Variants in CELF2 observed in about 807,000 individuals in gnomAD.
CELF2 encodes the protein CUG triplet repeat RNA-binding protein 2.
Under a neutral mutation model 62.6 loss-of-function variants are expected in CELF2, and 8 were observed. That is an observed-to-expected ratio of 0.13 (90% CI 0.07 to 0.23). CELF2 has a LOEUF of 0.23. CELF2 is among the 10% of genes least tolerant of loss of function. The pLI is 1.00. For missense variants in CELF2, 333 were observed against 671.0 expected (o/e 0.50, Z 5.56); for synonymous variants, 258 against 250.0 (o/e 1.03, Z -0.30).
At chr10:10,690,657 A>T in the CELF2 span, among the ~76,000 whole-genome samples, 1 of 152,172 alleles carries the variant, frequency 6.6e-6, no homozygotes, top group Non-Finnish European at 1.5e-5. Flanking sequence ...AGGTGGGCAG[A>T]TCACTTGAGG....
intron 2 of CELF2, among the ~76,000 whole-genome samples, chr10:11,182,756 T>G (rs1379836276): frequency 6.6e-6 from 1 of 152,218 alleles, no homozygotes; most frequent in Admixed American, 6.5e-5. Context: ...CATTATCTGC[T>G]CTTTGGTTGG....
At chr10:10,866,901 CAA>C (rs764914673) in intron 1 of CELF2, among the ~76,000 whole-genome samples, 31 of 108,774 alleles carry the variant, frequency 2.8e-4, no homozygotes, top group African/African-American at 1.0e-3. Context: ...GCCTGGGTGA[CAA>C]GAGTGAAACT....
At chr10:10,527,350 C>T in the CELF2 span, among the ~76,000 whole-genome samples, 1 of 150,372 alleles carries the variant, frequency 6.7e-6, no homozygotes, top group Non-Finnish European at 1.5e-5. Context: ...GAGGCTGAGG[C>T]AGGAGAATCA....
chr10:11,264,087 C>T (rs140561206), intron 5 of CELF2, among the ~76,000 whole-genome samples: 74 of 152,310 alleles, frequency 4.9e-4, no homozygotes, highest in East Asian at 1.7e-3. Context: ...TTAAAGAAGT[C>T]CTCAGATGTG....
the CELF2 span, among the ~76,000 whole-genome samples, chr10:10,554,001 G>A: frequency 6.6e-6 from 1 of 152,166 alleles, no homozygotes; most frequent in South Asian, 2.1e-4. Context: ...CTTGGCCCTG[G>A]GGTGAAGGAT....
the CELF2 span, among the ~76,000 whole-genome samples, chr10:10,592,206 C>G: frequency 6.6e-6 from 1 of 152,136 alleles, no homozygotes; most frequent in Non-Finnish European, 1.5e-5. Context: ...ATATGCTGTT[C>G]CCAAGAGCCT....
rs1565397365 is a variant in CELF2 at position 11,223,647 on chromosome 10, C to T, written c.354+6140C>T. On this transcript the variant is annotated intron_variant, in intron 3 of 12. Transcript: ENST00000633077. This position sits in a 1 kb window ranked among gnomAD's most constrained non-coding sequence, Gnocchi z 5.1. ...TAGCAGGGGGAGCTCCGGAGGAGTCCTTGAGGGTGCAGAAGCTCCCTTCCC... is the reference window on the plus strand; with the variant it reads ...TAGCAGGGGGAGCTCCGGAGGAGTCTTTGAGGGTGCAGAAGCTCCCTTCCC... Among the ~76,000 whole-genome samples the T allele has an allele frequency of 2.6e-5, 4 of 152,266 alleles. No individual in the cohort carries two copies. In the South Asian group the frequency reaches 8.3e-4, roughly 32 times the overall value.
At chr10:10,844,330 CAG>C (rs1344757335) in intron 1 of CELF2, among the ~76,000 whole-genome samples, 8 of 151,972 alleles carry the variant, frequency 5.3e-5, no homozygotes, top group Admixed American at 2.6e-4. Flanking sequence ...CCATGTGAGC[CAG>C]AGTGTTGAGT....
intron 9 of CELF2, among the ~76,000 whole-genome samples, chr10:11,304,754 T>G (rs1294912083): frequency 6.6e-6 from 1 of 152,208 alleles, no homozygotes; most frequent in African/African-American, 2.4e-5. Flanking sequence ...GGGGATAAAG[T>G]TTCCAACATA....
upstream of CELF2, chr10:11,005,255 GGAGAGAGAGA>G (rs529664321): frequency 4.8e-3 from 5,615 of 1,175,416 alleles, 60 homozygotes; most frequent in African/African-American, 0.045. This position sits in a 1 kb window ranked among gnomAD's most constrained non-coding sequence, Gnocchi z 4.3. Context: ...AGAGAGAGAG[GGAGAGAGAGA>G]GAGAGAGAGA....
chr10:10,714,197 C>G, the CELF2 span, among the ~76,000 whole-genome samples: 1 of 152,136 alleles, frequency 6.6e-6, no homozygotes, highest in Admixed American at 6.5e-5. Flanking sequence ...GAAATTCCCT[C>G]AAGAAAAGCT....
chr10:10,722,521 A>G, the CELF2 span, among the ~76,000 whole-genome samples: 2 of 152,212 alleles, frequency 1.3e-5, no homozygotes, highest in African/African-American at 4.8e-5. Context: ...AATTGAAAAC[A>G]CAACTATGTC....
intron 2 of CELF2, among the ~76,000 whole-genome samples, chr10:11,189,507 C>T (rs2075806489): frequency 6.6e-6 from 1 of 152,062 alleles, no homozygotes; most frequent in South Asian, 2.1e-4. Flanking sequence ...TTCCCCTCAC[C>T]TGTTCTTCCC....
Position 11,333,541 on chromosome 10 carries a change from T to A in CELF2, c.*4488T>A. 2 of 150,070 alleles carry A rather than the reference T, an allele frequency of 1.3e-5. 1 individual carries two copies. Among genetic ancestry groups the A allele is most frequent in the Middle Eastern group, 6.8e-3 (2 of 292 alleles). 9.3% of individuals were successfully genotyped at this position (150,070 alleles called of 1,614,324 possible). A position where few individuals can be genotyped will look rare whatever the true frequency, so the allele number is the denominator to read the frequency against. The stretch of plus-strand genomic sequence containing the variant: ...TGTTTTTATTATCTTAAGTGCTAAT[T>A]AAAAAAAAAATAAAATTTTAAAAAA... On this transcript the variant is annotated 3_prime_UTR_variant, in exon 13 of 13. Coordinates refer to ENST00000633077, the MANE Select transcript of CELF2 (RefSeq NM_001326342.2).
chr10:10,854,257 C>A (rs927655420), intron 1 of CELF2, among the ~76,000 whole-genome samples: 1 of 152,124 alleles, frequency 6.6e-6, no homozygotes, highest in African/African-American at 2.4e-5. Flanking sequence ...CAGAGCTGAA[C>A]CAACCTAAGG....
chr10:11,009,447 C>G (rs773688537), intron 1 of CELF2, among the ~76,000 whole-genome samples: 6 of 152,156 alleles, frequency 3.9e-5, no homozygotes, highest in Non-Finnish European at 7.3e-5. Flanking sequence ...TGTTCCCAAA[C>G]ACACCATTCT....
chr10:10,561,203 A>G, the CELF2 span, among the ~76,000 whole-genome samples: 3 of 152,174 alleles, frequency 2.0e-5, no homozygotes, highest in East Asian at 5.8e-4. Flanking sequence ...ATTGGAAAAA[A>G]AAAGAATTTT....
At chr10:11,284,262 C>G (rs1221516183) in intron 8 of CELF2, among the ~76,000 whole-genome samples, 6 of 512 alleles carry the variant, frequency 0.012, no homozygotes, top group Non-Finnish European at 0.022. Flanking sequence ...TGATGGATGA[C>G]TGTGTGGTAG....
At chr10:11,135,974 GAATAGTTACGTCCATTCAGCA>G (rs2060372448) in intron 1 of CELF2, among the ~76,000 whole-genome samples, 1 of 152,156 alleles carries the variant, frequency 6.6e-6, no homozygotes, top group Non-Finnish European at 1.5e-5. Context: ...GGCCCTTTGA[GAATAGTTACGTCCATTCAGCA>G]AATATTTACT....
Sources: allele counts gnomAD v4.1 joint callset (sites outside exome capture counted in the v4.1 genomes callset), GRCh38; gene constraint gnomAD v4.1.1; non-coding constraint Gnocchi (gnomAD v3.1); transcripts MANE v1.5; gene names NCBI Gene and HGNC (gene_info 2026-07-23, HGNC 2026-07-21).